The following NCOA1 variants were observed in gnomAD, a reference collection of about 807,000 sequenced individuals.
NCOA1 encodes the protein Hin-2 protein.
Under a neutral mutation model 150.9 loss-of-function variants are expected in NCOA1, and 35 were observed. The observed-to-expected ratio is 0.23, with a 90% confidence interval of 0.18 to 0.31. The LOEUF (loss-of-function observed/expected upper bound fraction) is 0.31. Ranked by LOEUF, NCOA1 falls within the 10% of genes least tolerant of loss-of-function variation. The pLI is 1.00. For missense variants in NCOA1, 1,491 were observed against 1,749.3 expected (o/e 0.85, Z 2.63); for synonymous variants, 590 against 630.0 (o/e 0.94, Z 0.95).
chr2:24,673,182 C>A (rs1671758664), intron 6 of NCOA1, among the ~76,000 whole-genome samples, 184 bp from the exon 7 acceptor site: 1 of 152,086 alleles, frequency 6.6e-6, no homozygotes, highest in Admixed American at 6.5e-5. Flanking sequence ...CATTACTTAA[C>A]CTTTGTGATG....
At chr2:24,503,567 G>A (rs1663556101) in intron 1 of NCOA1, among the ~76,000 whole-genome samples, 1 of 152,044 alleles carries the variant, frequency 6.6e-6, no homozygotes, top group South Asian at 2.1e-4. Flanking sequence ...ACCCCTATAA[G>A]GGAGTCTCAT....
intron 3 of NCOA1, among the ~76,000 whole-genome samples, chr2:24,630,621 C>T (rs2148430873): frequency 6.6e-6 from 1 of 152,262 alleles, no homozygotes; most frequent in South Asian, 2.1e-4. Flanking sequence ...GGCCACAGAG[C>T]AACAGTTTTC....
chr2:24,549,540 G>C (rs997839245), intron 1 of NCOA1, among the ~76,000 whole-genome samples: 4 of 151,972 alleles, frequency 2.6e-5, no homozygotes, highest in Non-Finnish European at 5.9e-5. Context: ...ACATTGTCAG[G>C]CTGCAATTTT....
chr2:24,659,849 A>G (rs1671101370), intron 5 of NCOA1, among the ~76,000 whole-genome samples: 1 of 152,138 alleles, frequency 6.6e-6, no homozygotes, highest in Non-Finnish European at 1.5e-5. Flanking sequence ...ACAACCAAAA[A>G]TGTCTCCAAA....
intron 3 of NCOA1, among the ~76,000 whole-genome samples, chr2:24,596,810 AC>A (rs1206136495): frequency 6.6e-6 from 1 of 152,294 alleles, no homozygotes; most frequent in South Asian, 2.1e-4. Flanking sequence ...TTAAAGACTT[AC>A]GCCATTCTAC....
intron 11 of NCOA1, among the ~76,000 whole-genome samples, chr2:24,700,300 A>C (rs555204213): frequency 7.2e-5 from 11 of 152,160 alleles, no homozygotes; most frequent in Non-Finnish European, 1.0e-4. Flanking sequence ...AGTGAAACAG[A>C]TTATGTACTA....
intron 3 of NCOA1, among the ~76,000 whole-genome samples, chr2:24,608,246 CTATTAT>C (rs202179395): frequency 0.15 from 19,991 of 131,648 alleles, 1,598 homozygotes; most frequent in African/African-American, 0.2. Context: ...CCCAGTTCCC[CTATTAT>C]TATTATTATT....
intron 2 of NCOA1, among the ~76,000 whole-genome samples, chr2:24,584,048 A>T (rs966129400): frequency 6.6e-6 from 1 of 152,134 alleles, no homozygotes; most frequent in Non-Finnish European, 1.5e-5. Context: ...GAGGATTTTG[A>T]ATGTTCCTAA....
chr2:24,759,784 G>A (rs1041181904), intron 21 of NCOA1, among the ~76,000 whole-genome samples: 12 of 151,808 alleles, frequency 7.9e-5, no homozygotes, highest in Non-Finnish European at 1.8e-4. Flanking sequence ...ATGTATAGAG[G>A]TATAATATAA....
At chr2:24,640,395 TTTATC>T (rs1289480702) in intron 3 of NCOA1, among the ~76,000 whole-genome samples, 2 of 152,186 alleles carry the variant, frequency 1.3e-5, no homozygotes, top group African/African-American at 4.8e-5. Flanking sequence ...ATCTAGTTGT[TTTATC>T]TATTATTGAG....
intron 6 of NCOA1, among the ~76,000 whole-genome samples, chr2:24,671,804 G>C (rs1377627711): frequency 6.6e-6 from 1 of 152,134 alleles, no homozygotes; most frequent in African/African-American, 2.4e-5. Context: ...CAGATGATCT[G>C]CCCATCTGAT....
At chr2:24,678,049 C>T (rs558209200) in intron 7 of NCOA1, among the ~76,000 whole-genome samples, 1 of 152,222 alleles carries the variant, frequency 6.6e-6, no homozygotes, top group Admixed American at 6.5e-5. Context: ...CCCCTGCCCC[C>T]AACAGGCCTC....
intron 1 of NCOA1, among the ~76,000 whole-genome samples, chr2:24,560,108 G>C (rs1666238776): frequency 6.6e-6 from 1 of 152,148 alleles, no homozygotes; most frequent in Non-Finnish European, 1.5e-5. Context: ...TGAGCACCTG[G>C]TCAAGGCACG....
chr2:24,638,948 C>A (rs1044467662), intron 3 of NCOA1, among the ~76,000 whole-genome samples: 1 of 152,138 alleles, frequency 6.6e-6, no homozygotes, highest in Non-Finnish European at 1.5e-5. Context: ...ATCAGCCTTA[C>A]ATTCCTCGGA....
chr2:24,521,186 T>G (rs1664402805), intron 1 of NCOA1, among the ~76,000 whole-genome samples: 1 of 152,174 alleles, frequency 6.6e-6, no homozygotes, highest in African/African-American at 2.4e-5. Flanking sequence ...TATTTTGATA[T>G]ATATATGTGT....
At chr2:24,684,628 GA>G (rs1352776472) in intron 8 of NCOA1, among the ~76,000 whole-genome samples, 2 of 152,198 alleles carry the variant, frequency 1.3e-5, no homozygotes, top group Non-Finnish European at 2.9e-5. Context: ...CAATAGGGAG[GA>G]ATGTGAAGTT....
chr2:24,601,612 C>CTTTT (rs112063269), intron 3 of NCOA1, among the ~76,000 whole-genome samples: 2 of 132,012 alleles, frequency 1.5e-5, no homozygotes, highest in Non-Finnish European at 1.6e-5. Flanking sequence ...CTCCTTCCTC[C>CTTTT]TTTTTTTTTT....
intron 10 of NCOA1, among the ~76,000 whole-genome samples, chr2:24,696,057 C>A (rs936337813): frequency 1.3e-5 from 2 of 152,122 alleles, no homozygotes; most frequent in Admixed American, 6.6e-5. Flanking sequence ...AATCTAAAAT[C>A]TTTTATAGTT....
rs1672962451 is a variant in NCOA1, at chr2:24,697,645, A to G, written c.809-13A>G. On this transcript the variant is annotated splice_polypyrimidine_tract_variant and intron_variant, in intron 10 of 22. Coordinates refer to ENST00000348332, the MANE Select transcript of NCOA1 (RefSeq NM_003743.5). The stretch of plus-strand genomic sequence containing the variant: ...GAGGCTGTTATAAATATAAACTTTC[A>G]TTCTTTGTACAGGTAAAATCATCTC... 2 of 1,596,390 alleles carry G rather than the reference A, an allele frequency of 1.3e-6. No individual in the cohort carries two copies. The highest frequency in any genetic ancestry group is 2.3e-5 in the South Asian group (2 of 88,472).
Sources: allele counts gnomAD v4.1 joint callset (sites outside exome capture counted in the v4.1 genomes callset), GRCh38; gene constraint gnomAD v4.1.1; transcripts MANE v1.5; gene names NCBI Gene and HGNC (gene_info 2026-07-23, HGNC 2026-07-21).